Variants in TAFA2 observed in about 807,000 individuals in gnomAD.
The protein encoded by TAFA2 is TAFA chemokine like family member 2.
In TAFA2, 7 loss-of-function variants were observed where a neutral mutation model predicts 18.8. That is an observed-to-expected ratio of 0.37 (90% CI 0.21 to 0.70). TAFA2 has a LOEUF of 0.70. TAFA2 is among the 30% of genes least tolerant of loss of function. The probability of loss-of-function intolerance (pLI) is 0.53; values close to 1 mark genes in which losing one functional copy is unlikely to be tolerated. For synonymous variants in TAFA2, 60 were observed against 54.2 expected (o/e 1.11, Z -0.47); for missense variants, 122 against 158.1 (o/e 0.77, Z 1.23).
intron 4 of TAFA2, among the ~76,000 whole-genome samples, chr12:61,729,846 G>A (rs913486355): frequency 7.9e-5 from 12 of 151,884 alleles, no homozygotes; most frequent in African/African-American, 2.7e-4. Flanking sequence ...TTCTCATTTG[G>A]GTATACTATG....
intron 2 of TAFA2, among the ~76,000 whole-genome samples, chr12:61,863,683 G>C (rs1159920097): frequency 6.6e-6 from 1 of 152,206 alleles, no homozygotes; most frequent in Admixed American, 6.5e-5. Context: ...GTAGACTGCA[G>C]TAGAACGTAG....
intron 1 of TAFA2, among the ~76,000 whole-genome samples, chr12:61,876,705 A>AT (rs1227793494): frequency 6.6e-6 from 1 of 152,070 alleles, no homozygotes; most frequent in Non-Finnish European, 1.5e-5. Context: ...CAAACAAACC[A>AT]TTAAAAAAAA....
At chr12:62,115,224 C>G (rs141907688) in intron 1 of TAFA2, among the ~76,000 whole-genome samples, 1 of 152,000 alleles carries the variant, frequency 6.6e-6, no homozygotes, top group Non-Finnish European at 1.5e-5. Context: ...CTGAAAACAC[C>G]AAAATTTGCA....
chr12:62,012,516 A>T (rs1377276046), intron 1 of TAFA2, among the ~76,000 whole-genome samples: 1 of 152,092 alleles, frequency 6.6e-6, no homozygotes, highest in Non-Finnish European at 1.5e-5. Flanking sequence ...TATTTTTATA[A>T]GCACCTTCAA....
chr12:62,257,974 T>G (rs1015262025), intron 1 of TAFA2, among the ~76,000 whole-genome samples: 8 of 152,218 alleles, frequency 5.3e-5, no homozygotes, highest in African/African-American at 1.9e-4. Flanking sequence ...AAACGTTGAT[T>G]GCTGTAAACA....
intron 1 of TAFA2, among the ~76,000 whole-genome samples, chr12:61,896,040 G>A (rs896859502): frequency 2.6e-5 from 4 of 151,776 alleles, no homozygotes; most frequent in Non-Finnish European, 5.9e-5. Flanking sequence ...ATGAGAGAGA[G>A]AAATGAGAGG....
chr12:62,063,533 G>A (rs915789884), intron 1 of TAFA2, among the ~76,000 whole-genome samples: 1 of 152,102 alleles, frequency 6.6e-6, no homozygotes, highest in African/African-American at 2.4e-5. Context: ...TTAGTATGCA[G>A]CCTTAGAAAA....
intron 1 of TAFA2, among the ~76,000 whole-genome samples, chr12:62,038,623 C>T (rs1372145538): frequency 6.6e-6 from 1 of 151,820 alleles, no homozygotes; most frequent in Admixed American, 6.6e-5. Flanking sequence ...GAGTCAGTGC[C>T]CCACAGATAC....
intron 1 of TAFA2, among the ~76,000 whole-genome samples, chr12:62,021,106 A>G (rs1881116260): frequency 6.6e-6 from 1 of 152,158 alleles, no homozygotes; most frequent in African/African-American, 2.4e-5. Flanking sequence ...TTCTATACTA[A>G]ATACTGGGAA....
At chr12:61,919,206 T>C (rs1399080322) in intron 1 of TAFA2, among the ~76,000 whole-genome samples, 1 of 152,194 alleles carries the variant, frequency 6.6e-6, no homozygotes, top group Non-Finnish European at 1.5e-5. Context: ...AAATTCATCA[T>C]ATATATTTTG....
At chr12:61,916,968 G>T (rs1876845776) in intron 1 of TAFA2, among the ~76,000 whole-genome samples, 1 of 152,084 alleles carries the variant, frequency 6.6e-6, no homozygotes, top group Admixed American at 6.6e-5. Context: ...TCACATCATT[G>T]TCATTCATGT....
chr12:61,823,205 C>T (rs1239412496), intron 2 of TAFA2, among the ~76,000 whole-genome samples: 1 of 152,052 alleles, frequency 6.6e-6, no homozygotes, highest in African/African-American at 2.4e-5. Flanking sequence ...TAGGGTCTCA[C>T]TCTGTTGTCC....
chr12:62,107,354 C>T (rs895171505), intron 1 of TAFA2, among the ~76,000 whole-genome samples: 6 of 152,066 alleles, frequency 3.9e-5, no homozygotes, highest in African/African-American at 1.4e-4. Context: ...AAGGGAAGAG[C>T]AAATAAATTC....
intron 1 of TAFA2, among the ~76,000 whole-genome samples, chr12:61,903,177 T>A (rs926497305): frequency 6.6e-6 from 1 of 152,140 alleles, no homozygotes; most frequent in African/African-American, 2.4e-5. Context: ...GTAGTACCAA[T>A]GTACTATGAC....
rs78899483 is a variant in TAFA2 at position 62,020,889 on chromosome 12, T to A, written c.-1-153463A>T. The stretch of plus-strand genomic sequence containing the variant: ...TTTAAATGAATGAAAACAATCAAAG[T>A]AAGAATAATATTTCACGACACGTTT... On this transcript the variant is annotated intron_variant, in intron 1 of 4. Coordinates refer to ENST00000416284, the MANE Select transcript of TAFA2 (RefSeq NM_178539.5). Among the ~76,000 whole-genome samples, 575 of 152,300 alleles carry A rather than the reference T, an allele frequency of 3.8e-3. 2 individuals carry two copies. Among genetic ancestry groups the A allele is most frequent in the African/African-American group, 0.013 (532 of 41,570 alleles).
At position 61,816,293 on chromosome 12, in the gene TAFA2, T is replaced by C. The variant is rs12371225; in HGVS notation, c.106+51027A>G. ...TGCAATATTTGGTTTTCTGTTCCTG[T>C]GCTAGTTTGCTAAGGATAATAGACT... On this transcript the variant is annotated intron_variant, in intron 2 of 4. Coordinates refer to ENST00000416284, the MANE Select transcript of TAFA2 (RefSeq NM_178539.5). Among the ~76,000 whole-genome samples the C allele has an allele frequency of 1.7e-3, 262 of 151,432 alleles. 6 individuals carry two copies. The highest frequency in any genetic ancestry group is 4.8e-3 in the Admixed American group (74 of 15,276).
At chr12:61,872,972 C>T (rs920372730) in intron 1 of TAFA2, among the ~76,000 whole-genome samples, 1 of 151,940 alleles carries the variant, frequency 6.6e-6, no homozygotes, top group South Asian at 2.1e-4. Flanking sequence ...CTATTTTCTC[C>T]TTCTTCCCAT....
At chr12:62,173,052 C>G (rs1308312547) in intron 1 of TAFA2, among the ~76,000 whole-genome samples, 1 of 151,656 alleles carries the variant, frequency 6.6e-6, no homozygotes, top group Non-Finnish European at 1.5e-5. Flanking sequence ...AAGGCATGGC[C>G]CAATGTAGGG....
intron 1 of TAFA2, among the ~76,000 whole-genome samples, chr12:62,083,943 A>G (rs184296414): frequency 6.6e-6 from 1 of 152,236 alleles, no homozygotes; most frequent in East Asian, 1.9e-4. Flanking sequence ...TTCTCATTGT[A>G]TGTGTGCTTG....
Sources: allele counts gnomAD v4.1 joint callset (sites outside exome capture counted in the v4.1 genomes callset), GRCh38; gene constraint gnomAD v4.1.1; transcripts MANE v1.5; gene names NCBI Gene and HGNC (gene_info 2026-07-23, HGNC 2026-07-21).